SLC25A27: variants seen among roughly 807,000 people sequenced by gnomAD.
SLC25A27 encodes the protein mitochondrial uncoupling protein 4.
SLC25A27 carries 35 observed loss-of-function variants against 49.1 expected under a neutral mutation model. The ratio of observed to expected loss-of-function variants is 0.71; its 90% CI spans 0.54 to 0.95. The LOEUF (loss-of-function observed/expected upper bound fraction) is 0.95. Among genes scored for constraint, SLC25A27 ranks in the 40% least tolerant of loss-of-function variants. SLC25A27 has a pLI of 0.00. For missense variants in SLC25A27, 339 were observed against 397.1 expected, an observed-to-expected ratio of 0.85 and a Z score of 1.24; for synonymous variants, 144 against 136.9, an observed-to-expected ratio of 1.05 and a Z score of -0.36.
chr6:46,653,865 T>C (rs1362139217), intron 1 of SLC25A27: 2 of 984,694 alleles, frequency 2.0e-6, no homozygotes, highest in East Asian at 2.3e-4. Context: ...AGGACACCCA[T>C]TAGTTGCGAC....
At position 46,678,182 on chromosome 6, in the gene SLC25A27, G is replaced by A. The variant is rs1335011264; in HGVS notation, c.*1728G>A. On this transcript the variant is annotated 3_prime_UTR_variant, in exon 9 of 9. Coordinates refer to ENST00000371347, the MANE Select transcript of SLC25A27 (RefSeq NM_004277.5). Reference sequence around the variant, plus strand: ...GATCAAAATAATTGCATCCAACCTGGACCGTGAACAATTGATTTAGCTTTA... The same window carrying A: ...GATCAAAATAATTGCATCCAACCTGAACCGTGAACAATTGATTTAGCTTTA... 6.6e-6 allele frequency: 1 copy of A among 151,718 alleles called. No individual in the cohort carries two copies. The highest frequency in any genetic ancestry group is 1.5e-5 in the Non-Finnish European group (1 of 67,940). 9.4% of individuals were successfully genotyped at this position (151,718 alleles called of 1,614,324 possible). A position where few individuals can be genotyped will look rare whatever the true frequency, so the allele number is the denominator to read the frequency against.
intron 3 of SLC25A27, among the ~76,000 whole-genome samples, chr6:46,661,406 A>G (rs1369727422): frequency 6.6e-6 from 1 of 152,250 alleles, no homozygotes; most frequent in Non-Finnish European, 1.5e-5. Flanking sequence ...AAATTATGGC[A>G]TATCCATAAA....
intron 2 of SLC25A27, chr6:46,658,445 T>G (rs1434733208): frequency 9.4e-6 from 4 of 423,408 alleles, no homozygotes; most frequent in Non-Finnish European, 1.9e-5. Flanking sequence ...TTTCATACGT[T>G]TGATGCTTAG....
In SLC25A27 at chr6:46,653,122, G is replaced by GA; in HGVS notation, c.-69dup. On this transcript the variant is annotated 5_prime_UTR_variant, in exon 1 of 9. Transcript: ENST00000371347. ...GTTGAAAAGGGGCCGCCCTGGCAGGGAAGCGGCCGCCGCGGCGCGGTGCAG... is the reference window on the plus strand; with the variant it reads ...GTTGAAAAGGGGCCGCCCTGGCAGGGAAAGCGGCCGCCGCGGCGCGGTGCAG... 6.9e-7 allele frequency: 1 copy of GA among 1,448,564 alleles called. No individual in the cohort carries two copies. Among genetic ancestry groups the GA allele is most frequent in the African/African-American group, 1.4e-5 (1 of 71,672 alleles). The allele number at this position is 1,448,564 out of a possible 1,614,324, so 89.7% of individuals were successfully genotyped here. A position where few individuals can be genotyped will look rare whatever the true frequency, so the allele number is the denominator to read the frequency against.
At position 46,677,830 on chromosome 6, in the gene SLC25A27, C is replaced by G. The variant is rs1437315963; in HGVS notation, c.*1376C>G. ...TTGAACAGAAAAAAGTTTACAAGTG[C>G]TTTGTGGTTGCACTAATGTATACTC... On this transcript the variant is annotated 3_prime_UTR_variant, in exon 9 of 9. Coordinates refer to ENST00000371347, the MANE Select transcript of SLC25A27 (RefSeq NM_004277.5). 2 of 152,350 alleles carry G rather than the reference C, an allele frequency of 1.3e-5. No individual in the cohort carries two copies. 9.4% of individuals were successfully genotyped at this position (152,350 alleles called of 1,614,324 possible).
chr6:46,676,563 C>G lies in SLC25A27; in HGVS notation c.*109C>G, dbSNP rs1299465661. 1 of 1,595,502 alleles carries G rather than the reference C, an allele frequency of 6.3e-7. No individual in the cohort carries two copies. Among genetic ancestry groups the G allele is most frequent in the Non-Finnish European group, 8.5e-7 (1 of 1,169,718 alleles). ...CTACCTCTTTAGGAAGACACCTATT[C>G]CACAGAGACTGATTTATAGGGGGCA... On this transcript the variant is annotated 3_prime_UTR_variant, in exon 9 of 9. Transcript: ENST00000371347.
rs144995392 is a variant in SLC25A27 at position 46,657,378 on chromosome 6, G to T, written c.298+1344G>T. 2.0e-5 allele frequency among the ~76,000 whole-genome samples: 3 copies of T among 152,166 alleles called. No homozygotes were observed. In the South Asian group the frequency reaches 6.2e-4, roughly 32 times the overall value. On this transcript the variant is annotated intron_variant, in intron 2 of 8. Transcript: ENST00000371347. ...CTCAAGAGGCTAAGGCAGGAAAATC[G>T]CTTGAACCCAGGAGGCAGAGGTTGC...
Position 46,676,404 on chromosome 6 carries a change from T to TG in SLC25A27, c.924dup (p.Leu309AlafsTer4), listed in dbSNP as rs1186257659. The TG allele has an allele frequency of 6.2e-7, 1 of 1,614,074 alleles. No individual in the cohort carries two copies. The highest frequency in any genetic ancestry group is 8.5e-7 in the Non-Finnish European group (1 of 1,179,910). ...TCAGACCCCTTGGTCAATGGTGTTC[T>TG]GGCTTACTTATGAAAAAATCAGAGA... On this transcript the variant is annotated frameshift_variant, in exon 9 of 9. Coordinates refer to ENST00000371347, the MANE Select transcript of SLC25A27 (RefSeq NM_004277.5). LOFTEE classifies it high-confidence loss of function.
chr6:46,669,348 G>A (rs959877638), intron 6 of SLC25A27, among the ~76,000 whole-genome samples: 5 of 152,162 alleles, frequency 3.3e-5, no homozygotes, highest in African/African-American at 4.8e-5. Context: ...AAAGGGATAC[G>A]AAGGGCTTTC....
chr6:46,672,055 G>A (rs868214281), intron 8 of SLC25A27, among the ~76,000 whole-genome samples: 27 of 152,090 alleles, frequency 1.8e-4, no homozygotes, highest in African/African-American at 5.6e-4. Context: ...GAAACTATAA[G>A]TGATAAATGT....
rs1465956767 is a variant in SLC25A27, at chr6:46,663,003, C to T, written c.506+505C>T. 2.6e-5 allele frequency among the ~76,000 whole-genome samples: 4 copies of T among 152,266 alleles called. No individual in the cohort carries two copies. The East Asian group carries it at 7.7e-4, about 29-fold the overall frequency. Reference sequence around the variant, plus strand: ...TAGCAAGGATAACGTTGCATATTGTCCCAACTTTCTTGTTGAATCTCATTC... The same window carrying T: ...TAGCAAGGATAACGTTGCATATTGTTCCAACTTTCTTGTTGAATCTCATTC... On this transcript the variant is annotated intron_variant, in intron 4 of 8. Coordinates refer to ENST00000371347, the MANE Select transcript of SLC25A27 (RefSeq NM_004277.5).
Position 46,670,117 on chromosome 6 carries a change from A to G in SLC25A27, c.705-18A>G, listed in dbSNP as rs1237992966. 2 of 1,554,550 alleles carry G rather than the reference A, an allele frequency of 1.3e-6. No homozygotes were observed. The highest frequency in any genetic ancestry group is 1.2e-5 in the South Asian group (1 of 86,380). On this transcript the variant is annotated intron_variant, in intron 6 of 8. Transcript: ENST00000371347. ...CTACTACATACCATCTTTCAATTTCATTTATTTGTATTTATAGTTTATGTT... is the reference window on the plus strand; with the variant it reads ...CTACTACATACCATCTTTCAATTTCGTTTATTTGTATTTATAGTTTATGTT...
At chr6:46,668,021 C>G (rs543534680) in intron 5 of SLC25A27, among the ~76,000 whole-genome samples, 28 of 152,248 alleles carry the variant, frequency 1.8e-4, no homozygotes, top group African/African-American at 6.7e-4. Context: ...TATTTAAAAC[C>G]CTTCCATAGC....
rs1177442269 is a variant in SLC25A27 at position 46,662,578 on chromosome 6, C to T, written c.506+80C>T. The T allele has an allele frequency of 6.3e-6, 9 of 1,426,120 alleles. No individual in the cohort carries two copies. The Admixed American group carries it at 9.3e-5, about 15-fold the overall frequency. The allele number at this position is 1,426,120 out of a possible 1,614,324, so 88.3% of individuals were successfully genotyped here. A position where few individuals can be genotyped will look rare whatever the true frequency, so the allele number is the denominator to read the frequency against. On this transcript the variant is annotated intron_variant, in intron 4 of 8. Coordinates refer to ENST00000371347, the MANE Select transcript of SLC25A27 (RefSeq NM_004277.5). ...TTTAACAAGTACCTAATAGAATTAT[C>T]ATCCAGTATGCAGTAAAGATATTAC...
Position 46,659,034 on chromosome 6 carries a change from A to G in SLC25A27, c.371A>G (p.His124Arg), listed in dbSNP as rs1763079557. 6.2e-7 allele frequency: 1 copy of G among 1,610,772 alleles called. No homozygotes were observed. The highest frequency in any genetic ancestry group is 8.5e-7 in the Non-Finnish European group (1 of 1,177,694). The change falls in exon 3 of 9, where the codon CAT becomes CGT. Residue 124 changes from histidine (H) to arginine (R), a missense_variant. His to Arg is a conservative substitution (Grantham distance 29). Transcript: ENST00000371347. Reference sequence around the variant, plus strand: ...GTGTTTGGCAAAAGTGAAGATGAGCATTATCCCCTTTGGTAAGTTTTGTTT... The same window carrying G: ...GTGTTTGGCAAAAGTGAAGATGAGCGTTATCCCCTTTGGTAAGTTTTGTTT... ...EVVFGKSEDE[H>R]YPLWKSVIGG...
chr6:46,669,708 CT>C (rs1486420107), intron 6 of SLC25A27, among the ~76,000 whole-genome samples: 9 of 152,134 alleles, frequency 5.9e-5, no homozygotes, highest in Admixed American at 5.9e-4. Context: ...TACATGTGTC[CT>C]TTGTAACCAC....
rs1047974095 is a variant in SLC25A27 at position 46,655,927 on chromosome 6, A to G, written c.191A>G (p.Glu64Gly). 6.2e-7 allele frequency: 1 copy of G among 1,613,732 alleles called. No individual in the cohort carries two copies. The highest frequency in any genetic ancestry group is 8.5e-7 in the Non-Finnish European group (1 of 1,179,938). Residue 64 changes from glutamate (E) to glycine (G), a missense_variant, in exon 2 of 9, where the codon GAA (glutamate) becomes GGA (glycine). Transcript: ENST00000371347. Reference sequence around the variant, plus strand: ...GCTCGGTTGGGAGACGGTGCAAGAGAATCTGCCCCCTATAGGGGAATGGTG... The same window carrying G: ...GCTCGGTTGGGAGACGGTGCAAGAGGATCTGCCCCCTATAGGGGAATGGTG... ...ALARLGDGAR[E>G]SAPYRGMVRT...
At chr6:46,664,738 C>T (rs1763268694) in intron 4 of SLC25A27, 36 bp from the exon 5 acceptor site, 2 of 1,195,674 alleles carry the variant, frequency 1.7e-6, no homozygotes, top group Non-Finnish European at 2.4e-6. Flanking sequence ...CACAGGAATA[C>T]ATGGAGTTTT....
chr6:46,661,988 A>C (rs549556342), intron 3 of SLC25A27, among the ~76,000 whole-genome samples: 1 of 152,296 alleles, frequency 6.6e-6, no homozygotes, highest in East Asian at 1.9e-4. Context: ...TTTCCCCAAG[A>C]GACTACTGCA....
Sources: gnomAD v4.1 joint callset for allele counts (sites outside exome capture counted in the v4.1 genomes callset) on GRCh38, gnomAD v4.1.1 for gene constraint, MANE v1.5 for transcripts, NCBI Gene and HGNC (gene_info 2026-07-23, HGNC 2026-07-21) for gene names.